Variants in GPR158 observed in about 807,000 individuals in gnomAD.
GPR158 encodes G protein-coupled receptor 158.
Under a neutral mutation model 78.2 loss-of-function variants are expected in GPR158, and 30 were observed. The observed-to-expected ratio is 0.38, with a 90% CI of 0.29 to 0.52. The LOEUF is 0.52. GPR158 is among the 20% of genes least tolerant of loss of function. The pLI is 0.83. For missense variants in GPR158, 1,463 were observed against 1,523.5 expected (o/e 0.96, Z 0.66); for synonymous variants, 581 against 591.1 (o/e 0.98, Z 0.25).
At chr10:25,483,345 A>G (rs1283247840) in intron 5 of GPR158, among the ~76,000 whole-genome samples, 1 of 151,698 alleles carries the variant, frequency 6.6e-6, no homozygotes, top group Non-Finnish European at 1.5e-5. Context: ...TCCCACCTCA[A>G]AGCGCTTGCA....
chr10:25,576,932 A>G (rs4237371), intron 7 of GPR158, among the ~76,000 whole-genome samples: 81,305 of 148,172 alleles, frequency 0.55, 24,139 homozygotes, highest in African/African-American at 0.78. Context: ...TAACACCTTA[A>G]TTCCCAAAGT....
At chr10:25,279,206 T>C (rs1305094558) in intron 2 of GPR158, among the ~76,000 whole-genome samples, 1 of 152,182 alleles carries the variant, frequency 6.6e-6, no homozygotes, top group Non-Finnish European at 1.5e-5. Context: ...ACTACTAGTT[T>C]ACATAAATTT....
At chr10:25,319,633 A>G (rs113703734) in intron 2 of GPR158, among the ~76,000 whole-genome samples, 2,342 of 152,300 alleles carry the variant, frequency 0.015, 67 homozygotes, top group African/African-American at 0.053. Flanking sequence ...AATTTTATCT[A>G]AAACATAAAA....
rs376375927 is a variant in GPR158, at chr10:25,443,383, C to T, written c.1336-23268C>T. Reference sequence around the variant, plus strand: ...CAGCCTGGCCAATTTGGTGAAACCCCACCTCTATTAAAAATATAAAAATTA... The same window carrying T: ...CAGCCTGGCCAATTTGGTGAAACCCTACCTCTATTAAAAATATAAAAATTA... On this transcript the variant is annotated intron_variant, in intron 4 of 10. Coordinates refer to ENST00000376351, the MANE Select transcript of GPR158 (RefSeq NM_020752.3). 3.7e-4 allele frequency among the ~76,000 whole-genome samples: 56 copies of T among 151,750 alleles called. No homozygotes were observed. The South Asian group carries it at 0.011, about 30-fold the overall frequency.
chr10:25,252,638 T>C (rs1588759651), intron 2 of GPR158, among the ~76,000 whole-genome samples: 2 of 152,098 alleles, frequency 1.3e-5, no homozygotes, highest in South Asian at 4.2e-4. Context: ...GGGTCAGGGG[T>C]CAGGGACCCA....
intron 4 of GPR158, among the ~76,000 whole-genome samples, chr10:25,453,856 A>T (rs553558842): frequency 6.6e-6 from 1 of 152,220 alleles, no homozygotes; most frequent in Admixed American, 6.5e-5. Context: ...TTTGAAGTCA[A>T]GTATTGTGAT....
At chr10:25,405,112 T>C (rs12258359) in intron 3 of GPR158, among the ~76,000 whole-genome samples, 15,527 of 152,092 alleles carry the variant, frequency 0.1, 849 homozygotes, top group East Asian at 0.17. Flanking sequence ...ATGTGAATAA[T>C]AAATTACATC....
chr10:25,560,185 G>A (rs969020855), intron 6 of GPR158, among the ~76,000 whole-genome samples: 3 of 152,172 alleles, frequency 2.0e-5, no homozygotes, highest in Admixed American at 1.3e-4. Context: ...GTTGCATCAC[G>A]TATTTGTGTA....
intron 2 of GPR158, among the ~76,000 whole-genome samples, chr10:25,326,187 T>A (rs1050411255): frequency 6.6e-6 from 1 of 152,178 alleles, no homozygotes; most frequent in Non-Finnish European, 1.5e-5. Flanking sequence ...TATAAGTGAA[T>A]AAGTGAGAAC....
intron 1 of GPR158, among the ~76,000 whole-genome samples, chr10:25,203,369 G>C (rs1852964386): frequency 6.6e-6 from 1 of 152,160 alleles, no homozygotes; most frequent in South Asian, 2.1e-4. Context: ...TTTTCTTCAA[G>C]GGTTTTTATG....
At chr10:25,590,511 T>C (rs1259771411) in intron 8 of GPR158, among the ~76,000 whole-genome samples, 1 of 152,222 alleles carries the variant, frequency 6.6e-6, no homozygotes, top group Non-Finnish European at 1.5e-5. Context: ...TCTCCTCCTG[T>C]TGCCAGAGCT....
intron 9 of GPR158, 76 bp from the exon 10 acceptor site, chr10:25,596,567 G>GTATAGA (rs140976958): frequency 9.7e-5 from 94 of 971,360 alleles, no homozygotes; most frequent in East Asian, 2.1e-4. Context: ...ATAGATATAG[G>GTATAGA]TATAGATATA....
rs562149243 is a variant in GPR158 at position 25,449,838 on chromosome 10, T to C, written c.1336-16813T>C. ...ATCAAAACTTGTTGTACATCATGAA[T>C]TTTCCAATTAAAATTTTTAAAAAAT... On this transcript the variant is annotated intron_variant, in intron 4 of 10. Transcript: ENST00000376351. 1.6e-4 allele frequency among the ~76,000 whole-genome samples: 25 copies of C among 152,252 alleles called. No homozygotes were observed. The East Asian group carries it at 2.5e-3, about 15-fold the overall frequency.
intron 1 of GPR158, among the ~76,000 whole-genome samples, chr10:25,206,136 C>T (rs1404492932): frequency 6.6e-6 from 1 of 151,956 alleles, no homozygotes; most frequent in East Asian, 1.9e-4. Flanking sequence ...CAGGCGCCCA[C>T]CACCACACCT....
intron 1 of GPR158, among the ~76,000 whole-genome samples, chr10:25,210,389 G>A (rs1277296555): frequency 6.6e-6 from 1 of 152,126 alleles, no homozygotes; most frequent in African/African-American, 2.4e-5. Flanking sequence ...AAATCCAAAA[G>A]CAGGATTTCT....
At chr10:25,566,757 GTCT>G (rs1370510167) in intron 6 of GPR158, among the ~76,000 whole-genome samples, 2 of 152,054 alleles carry the variant, frequency 1.3e-5, no homozygotes, top group African/African-American at 4.8e-5. Context: ...AGTGATGCCA[GTCT>G]TTTTAGGTGT....
At chr10:25,367,972 C>G (rs722537) in intron 2 of GPR158, among the ~76,000 whole-genome samples, 100,242 of 151,640 alleles carry the variant, frequency 0.66, 34,214 homozygotes, top group Non-Finnish European at 0.75. Context: ...GAGGGCTGCC[C>G]CTGTTGCCTG....
intron 2 of GPR158, among the ~76,000 whole-genome samples, chr10:25,333,457 GA>G: frequency 6.6e-6 from 1 of 152,212 alleles, no homozygotes; most frequent in Admixed American, 6.5e-5. Context: ...ATCTGTATGT[GA>G]ACTTTAGAAG....
At position 25,481,209 on chromosome 10, in the gene GPR158, C is replaced by G. The variant is rs534786880; in HGVS notation, c.1404+14490C>G. On this transcript the variant is annotated intron_variant, in intron 5 of 10. Transcript: ENST00000376351. ...ATGGACTGAGACCTTTACTGGGGCA[C>G]AGAGTGTCACCCAAGCAGATTTCCT... 1.4e-4 allele frequency among the ~76,000 whole-genome samples: 17 copies of G among 118,058 alleles called. No homozygotes were observed. The South Asian group carries it at 5.0e-3, about 34-fold the overall frequency. 77.5% of individuals were successfully genotyped at this position (118,058 alleles called of 152,430 possible).
Sources: gnomAD v4.1 joint callset for allele counts (sites outside exome capture counted in the v4.1 genomes callset) on GRCh38, gnomAD v4.1.1 for gene constraint, MANE v1.5 for transcripts, NCBI Gene and HGNC (gene_info 2026-07-23, HGNC 2026-07-21) for gene names.